ARID2: variants seen among roughly 807,000 people sequenced by gnomAD.
ARID2 encodes the protein AT-rich interactive domain-containing protein 2.
In ARID2, 32 loss-of-function variants were observed where a neutral mutation model predicts 184.6. That is an observed-to-expected ratio of 0.17 (90% CI 0.13 to 0.23). ARID2 has a LOEUF of 0.23. Among genes scored for constraint, ARID2 ranks in the 10% least tolerant of loss-of-function variants. ARID2 has a pLI of 1.00. For synonymous variants in ARID2, 836 were observed against 772.6 expected (o/e 1.08, Z -1.36); for missense variants, 1,696 against 2,197.6 (o/e 0.77, Z 4.56).
At chr12:45,807,232 A>G (rs1434277696) in intron 3 of ARID2, among the ~76,000 whole-genome samples, 1 of 152,204 alleles carries the variant, frequency 6.6e-6, no homozygotes, top group Non-Finnish European at 1.5e-5. Flanking sequence ...TTGGATTTAA[A>G]GGGAGAAGTG....
intron 3 of ARID2, among the ~76,000 whole-genome samples, chr12:45,795,523 C>T (rs1238858341): frequency 6.6e-6 from 1 of 152,108 alleles, no homozygotes; most frequent in Non-Finnish European, 1.5e-5. Flanking sequence ...AGCTCCGCCT[C>T]CCGGGTTCAC....
intron 3 of ARID2, among the ~76,000 whole-genome samples, chr12:45,777,809 AT>A (rs890055293): frequency 1.4e-4 from 21 of 147,656 alleles, no homozygotes; most frequent in African/African-American, 2.9e-4. Flanking sequence ...TATATATTTT[AT>A]TTTTTTATAT....
chr12:45,904,911 A>T (rs375678027), intron 20 of ARID2, 23 bp from the exon 21 acceptor site: 4 of 1,609,580 alleles, frequency 2.5e-6, no homozygotes, highest in African/African-American at 1.3e-5. Context: ...GAGACTGACA[A>T]TCTTCTATAT....
At chr12:45,846,030 A>C (rs991453896) in intron 11 of ARID2, 1 of 152,176 alleles carries the variant, frequency 6.6e-6, no homozygotes, top group Admixed American at 6.5e-5. Flanking sequence ...GGTAACATAC[A>C]TCATTTTTCT....
chr12:45,898,755 A>G (rs778995172), intron 20 of ARID2, among the ~76,000 whole-genome samples: 11 of 151,936 alleles, frequency 7.2e-5, no homozygotes, highest in Non-Finnish European at 1.3e-4. Context: ...ATCTCTACTA[A>G]AAAATATAAA....
chr12:45,851,300 G>A lies in ARID2; in HGVS notation c.3177G>A (p.Leu1059=), dbSNP rs200399663. ...VGQPASGESS[L]IKQLLLPKRG... ...AGCCTGCCTCTGGTGAGTCGAGTCT[G>A]ATTAAACAGCTTCTGCTTCCGAAAC... Residue 1059 remains leucine, a synonymous_variant, in exon 15 of 21, where the codon CTG becomes CTA. Coordinates refer to ENST00000334344, the MANE Select transcript of ARID2 (RefSeq NM_152641.4). The A allele has an allele frequency of 6.2e-7, 1 of 1,614,168 alleles. No homozygotes were observed. Among genetic ancestry groups the A allele is most frequent in the Non-Finnish European group, 8.5e-7 (1 of 1,180,016 alleles).
chr12:45,812,585 GT>G (rs1942730459), intron 4 of ARID2, among the ~76,000 whole-genome samples: 1 of 152,066 alleles, frequency 6.6e-6, no homozygotes, highest in African/African-American at 2.4e-5. Flanking sequence ...TTAATGAATA[GT>G]TTTTACTGCA....
At chr12:45,844,439 C>A (rs1286163739) in intron 11 of ARID2, among the ~76,000 whole-genome samples, 1 of 152,202 alleles carries the variant, frequency 6.6e-6, no homozygotes, top group African/African-American at 2.4e-5. Flanking sequence ...ATTATCATTA[C>A]TCTACAATTT....
chr12:45,833,272 C>G (rs932940574), intron 6 of ARID2, among the ~76,000 whole-genome samples: 1 of 151,972 alleles, frequency 6.6e-6, no homozygotes. Flanking sequence ...GGGACATAAC[C>G]CCATCATAAG....
intron 17 of ARID2, 28 bp from the exon 18 acceptor site, chr12:45,891,983 A>G (rs1944307460): frequency 6.2e-7 from 1 of 1,613,962 alleles, no homozygotes. Context: ...TTGACGTGCC[A>G]TTCTCTTGCT....
At chr12:45,753,923 A>G (rs1193861722) in intron 3 of ARID2, among the ~76,000 whole-genome samples, 1 of 152,192 alleles carries the variant, frequency 6.6e-6, no homozygotes, top group East Asian at 1.9e-4. Context: ...TGCCAAATTT[A>G]GCTCTTAGTG....
At chr12:45,819,896 A>G (rs1215283572) in intron 5 of ARID2, among the ~76,000 whole-genome samples, 1 of 152,020 alleles carries the variant, frequency 6.6e-6, no homozygotes, top group East Asian at 1.9e-4. Flanking sequence ...AGTGAGCACC[A>G]CCACACCTGG....
chr12:45,861,162 C>T (rs1012724289), intron 16 of ARID2, among the ~76,000 whole-genome samples: 2 of 152,020 alleles, frequency 1.3e-5, no homozygotes, highest in African/African-American at 2.4e-5. Flanking sequence ...CTTAATGGTA[C>T]GTTGTAGAGA....
Position 45,851,320 on chromosome 12 carries a change from C to G in ARID2, c.3197C>G (p.Pro1066Arg). 2 of 1,614,102 alleles carry G rather than the reference C, an allele frequency of 1.2e-6. No individual in the cohort carries two copies. The highest frequency in any genetic ancestry group is 1.7e-6 in the Non-Finnish European group (2 of 1,180,004). ...ESSLIKQLLLPKRGPSTPGGK... is the reference protein window; with the variant it reads ...ESSLIKQLLLRKRGPSTPGGK... ...AGTCTGATTAAACAGCTTCTGCTTC[C>G]GAAACGTGGTCCTTCAACACCAGGT... The change falls in exon 15 of 21, where the codon CCG becomes CGG. Residue 1066 changes from proline to arginine, a missense_variant. Physicochemically the swap from Pro to Arg is moderately radical, Grantham distance 103 (BLOSUM62 -2). Around this residue, in one of 11 missense-constraint regions of ARID2, gnomAD observed 713 missense variants for 824.4 expected, o/e 0.86. Transcript: ENST00000334344.
intron 16 of ARID2, among the ~76,000 whole-genome samples, chr12:45,873,808 G>A (rs1943964090): frequency 6.6e-6 from 1 of 152,146 alleles, no homozygotes; most frequent in Non-Finnish European, 1.5e-5. Flanking sequence ...TGAACCTTTA[G>A]CAAGTCATCA....
chr12:45,876,588 A>G (rs563808026), intron 16 of ARID2, among the ~76,000 whole-genome samples: 5 of 151,836 alleles, frequency 3.3e-5, no homozygotes, highest in African/African-American at 1.2e-4. Context: ...AAAAAGACAC[A>G]GAACATTTAC....
At position 45,849,823 on chromosome 12, in the gene ARID2, A is replaced by G. The variant is rs1592118607; in HGVS notation, c.1912+47A>G. On this transcript the variant is annotated intron_variant, in intron 14 of 20. Coordinates refer to ENST00000334344, the MANE Select transcript of ARID2 (RefSeq NM_152641.4). ...TTAAAGTATTACTGATTTAATAATA[A>G]AACTGAATGAAAAATATATATTCTA... The G allele has an allele frequency of 3.9e-6, 6 of 1,530,018 alleles. 1 individual carries two copies. The South Asian group carries it at 7.4e-5, about 19-fold the overall frequency. 94.8% of individuals were successfully genotyped at this position (1,530,018 alleles called of 1,614,324 possible).
chr12:45,854,083 A>G (rs536734833), intron 15 of ARID2, among the ~76,000 whole-genome samples: 1 of 152,242 alleles, frequency 6.6e-6, no homozygotes, highest in African/African-American at 2.4e-5. Context: ...GTAGGACCAC[A>G]AGCCCTATCG....
In ARID2 at chr12:45,849,732, G is replaced by A. The variant is rs150280339; in HGVS notation, c.1868G>A (p.Arg623His). ...CAACCAGTTTCTACTTCTGTTGTTCGTGTTGATTCTGTTCCTGATGTATCT... is the reference window on the plus strand; with the variant it reads ...CAACCAGTTTCTACTTCTGTTGTTCATGTTGATTCTGTTCCTGATGTATCT... ...QQQPVSTSVV[R>H]VDSVPDVSPA... is the part of the protein sequence containing the mutation. Residue 623 changes from arginine to histidine, a missense_variant, in exon 14 of 21, where the codon CGT becomes CAT. Physicochemically the swap from Arg to His is conservative, Grantham distance 29 (BLOSUM62 0). This residue lies in a region of ARID2 where 713 missense variants were observed against 824.4 expected (regional missense o/e 0.86). Coordinates refer to ENST00000334344, the MANE Select transcript of ARID2 (RefSeq NM_152641.4). 11 of 1,613,490 alleles carry A rather than the reference G, an allele frequency of 6.8e-6. No homozygotes were observed. Among genetic ancestry groups the A allele is most frequent in the Admixed American group, 5.0e-5 (3 of 59,988 alleles).
Sources: allele counts gnomAD v4.1 joint callset (sites outside exome capture counted in the v4.1 genomes callset), GRCh38; gene constraint gnomAD v4.1.1; regional missense constraint gnomAD v4.1.1; transcripts MANE v1.5; gene names NCBI Gene and HGNC (gene_info 2026-07-23, HGNC 2026-07-21).